The following ST3GAL6 variants were observed in gnomAD, a reference collection of about 807,000 sequenced individuals.
ST3GAL6 encodes ST3 beta-galactoside alpha-2,3-sialyltransferase 6, also known as type 2 lactosamine alpha-2,3-sialyltransferase.
ST3GAL6 carries 31 observed loss-of-function variants against 40.5 expected under a neutral mutation model. The ratio of observed to expected loss-of-function variants is 0.77; its 90% CI spans 0.58 to 1.03. The LOEUF (loss-of-function observed/expected upper bound fraction) is 1.03, where lower values mean the gene tolerates loss of function less well. Ranked by LOEUF, ST3GAL6 falls within the 50% of genes least tolerant of loss-of-function variation. The pLI, the probability that ST3GAL6 is intolerant of heterozygous loss-of-function variation, is 0.00. For synonymous variants in ST3GAL6, 129 were observed against 136.9 expected (o/e 0.94, Z 0.40); for missense variants, 357 against 393.2 (o/e 0.91, Z 0.78).
intron 1 of ST3GAL6, among the ~76,000 whole-genome samples, chr3:98,754,927 C>T (rs570698400): frequency 1.5e-4 from 23 of 152,198 alleles, no homozygotes; most frequent in Non-Finnish European, 3.4e-4. Flanking sequence ...ATAAACATAA[C>T]TTACATCCAT....
upstream of ST3GAL6, among the ~76,000 whole-genome samples, chr3:98,759,352 C>T (rs894282629): frequency 6.6e-6 from 1 of 152,020 alleles, no homozygotes; most frequent in Non-Finnish European, 1.5e-5. Context: ...GGAGGGAGGC[C>T]GTGTAGTGCT....
chr3:98,738,894 T>C (rs190003003), intron 1 of ST3GAL6, among the ~76,000 whole-genome samples: 13 of 152,232 alleles, frequency 8.5e-5, no homozygotes, highest in Admixed American at 8.5e-4. Flanking sequence ...AATGACAGAA[T>C]ATACATTCTT....
At chr3:98,735,500 A>G (rs1325630075) in intron 1 of ST3GAL6, among the ~76,000 whole-genome samples, 1 of 152,170 alleles carries the variant, frequency 6.6e-6, no homozygotes, top group African/African-American at 2.4e-5. Context: ...CACTTAGGTG[A>G]TCAGGGTCTG....
intron 6 of ST3GAL6, among the ~76,000 whole-genome samples, chr3:98,785,768 T>C (rs1343838978): frequency 6.6e-6 from 1 of 152,156 alleles, no homozygotes; most frequent in African/African-American, 2.4e-5. Context: ...GGCTGTGGCA[T>C]GGACAATGGA....
In ST3GAL6 at chr3:98,788,194, T is replaced by A. The variant is rs1940907332; in HGVS notation, c.590T>A (p.Leu197Gln). The change falls in exon 7 of 10, where the codon CTG becomes CAG. Residue 197 changes from leucine (L) to glutamine (Q), a missense_variant. Transcript: ENST00000483910. ...TTTAAGCCACATGATTTAAGGTGGC[T>A]GTTGGAATTGTTGATGGGTGACAAA... ...TAFKPHDLRW[L>Q]LELLMGDKIN... 6.2e-7 allele frequency: 1 copy of A among 1,611,440 alleles called. No homozygotes were observed.
intron 1 of ST3GAL6, chr3:98,732,779 C>T (rs1018387049): frequency 2.7e-5 from 36 of 1,322,360 alleles, no homozygotes; most frequent in African/African-American, 1.4e-4. Flanking sequence ...CCCGCCAGAT[C>T]CGCGGGGAAG....
chr3:98,768,617 A>C (rs1938632297), intron 2 of ST3GAL6, 88 bp downstream of exon 2: 2 of 957,150 alleles, frequency 2.1e-6, no homozygotes, highest in African/African-American at 3.3e-5. Context: ...CTATGAAAAA[A>C]ACTTGTACCA....
rs1166301028 is a variant in ST3GAL6 at position 98,773,981 on chromosome 3, C to T, written c.333C>T (p.Asp111=). Reference sequence around the variant, plus strand: ...GTTGTGATCTCTTTGATGAGTTTGACAAGTGAGTTTATTTCCTTGCTTCTA... The same window carrying T: ...GTTGTGATCTCTTTGATGAGTTTGATAAGTGAGTTTATTTCCTTGCTTCTA... The part of the protein sequence containing the change: ...LQSCDLFDEF[D]NIPCKKCVVV... Residue 111 remains aspartate, a splice_region_variant and synonymous_variant, in exon 5 of 10, where the codon GAC becomes GAT. Coordinates refer to ENST00000483910, the MANE Select transcript of ST3GAL6 (RefSeq NM_001323368.2). The T allele has an allele frequency of 6.2e-7, 1 of 1,611,674 alleles. No homozygotes were observed. Among genetic ancestry groups the T allele is most frequent in the East Asian group, 2.2e-5 (1 of 44,828 alleles).
intron 1 of ST3GAL6, among the ~76,000 whole-genome samples, chr3:98,739,619 T>C (rs1350679790): frequency 6.6e-6 from 1 of 152,224 alleles, no homozygotes; most frequent in African/African-American, 2.4e-5. Context: ...ATTAAAATCT[T>C]ATGCAACTTT....
intron 5 of ST3GAL6, chr3:98,783,475 T>C: frequency 1.2e-6 from 1 of 827,460 alleles, no homozygotes; most frequent in South Asian, 5.5e-5. Context: ...CCCTCAGTTC[T>C]TCTCTGCTGC....
chr3:98,742,273 C>T lies in ST3GAL6; in HGVS notation c.-12+9741C>T, dbSNP rs578121307. Reference sequence around the variant, plus strand: ...AGCTCTAAAAAATTTTACATTTTTACTCCAAAAATATGTTTTCTAAGTTTG... The same window carrying T: ...AGCTCTAAAAAATTTTACATTTTTATTCCAAAAATATGTTTTCTAAGTTTG... On this transcript the variant is annotated intron_variant, in intron 1 of 9. Transcript: ENST00000265261. Among the ~76,000 whole-genome samples, 15 of 152,220 alleles carry T rather than the reference C, an allele frequency of 9.9e-5. No individual in the cohort carries two copies. In the East Asian group the frequency reaches 2.9e-3, roughly 29 times the overall value.
chr3:98,764,851 T>C (rs1250198066), intron 1 of ST3GAL6, among the ~76,000 whole-genome samples: 1 of 152,248 alleles, frequency 6.6e-6, no homozygotes, highest in East Asian at 1.9e-4. Flanking sequence ...TTAATGCTTC[T>C]AATCAGTTGT....
chr3:98,742,593 A>T (rs1936184746), intron 1 of ST3GAL6, among the ~76,000 whole-genome samples: 1 of 152,180 alleles, frequency 6.6e-6, no homozygotes, highest in African/African-American at 2.4e-5. Context: ...TTACCAAACA[A>T]CTTTTTAATT....
rs80224578 is a variant in ST3GAL6 at position 98,736,725 on chromosome 3, G to A, written c.-12+4193G>A. ...TTGTGGGTGGGGTTGGGAGCGTGCC[G>A]TGTTGGACACAGCAAAGCCCCTGCT... On this transcript the variant is annotated intron_variant, in intron 1 of 9. Transcript: ENST00000265261. Among the ~76,000 whole-genome samples the A allele has an allele frequency of 8.4e-3, 1,284 of 152,328 alleles. 13 individuals carry two copies. The highest frequency in any genetic ancestry group is 0.022 in the South Asian group (108 of 4,828).
intron 1 of ST3GAL6, among the ~76,000 whole-genome samples, chr3:98,738,777 A>C (rs1294867411): frequency 6.6e-6 from 1 of 152,214 alleles, no homozygotes; most frequent in Non-Finnish European, 1.5e-5. Context: ...TTAACACCCC[A>C]CTGGCAGTAT....
intron 9 of ST3GAL6, among the ~76,000 whole-genome samples, chr3:98,792,414 C>T (rs1335994128): frequency 6.6e-6 from 1 of 152,014 alleles, no homozygotes; most frequent in Non-Finnish European, 1.5e-5. Context: ...TCTTCATGAT[C>T]AAAAAGGTTA....
chr3:98,740,256 G>C (rs1243397476), intron 1 of ST3GAL6, among the ~76,000 whole-genome samples: 7 of 116,886 alleles, frequency 6.0e-5, no homozygotes, highest in Non-Finnish European at 8.6e-5. Flanking sequence ...TTACAAATTT[G>C]ATGTGTATGG....
intron 1 of ST3GAL6, among the ~76,000 whole-genome samples, chr3:98,743,000 C>CTTTTTTTTTTT (rs71120599): frequency 1.1e-5 from 1 of 89,484 alleles, no homozygotes; most frequent in African/African-American, 4.4e-5. Flanking sequence ...ATGCCAGGCT[C>CTTTTTTTTTTT]TTTTTTTTTT....
chr3:98,750,147 T>C (rs1936887078), intron 1 of ST3GAL6, among the ~76,000 whole-genome samples: 1 of 152,274 alleles, frequency 6.6e-6, no homozygotes. Flanking sequence ...AATGGTAGTA[T>C]ACTGAAATCA....
Sources: allele counts gnomAD v4.1 joint callset (sites outside exome capture counted in the v4.1 genomes callset), GRCh38; gene constraint gnomAD v4.1.1; transcripts MANE v1.5; gene names NCBI Gene and HGNC (gene_info 2026-07-23, HGNC 2026-07-21).